Variants in SLC35F4 observed in about 807,000 individuals in gnomAD.
SLC35F4 encodes chromosome 14 open reading frame 36.
A neutral mutation model predicts 44.2 loss-of-function variants in SLC35F4; 24 were observed. That is an observed-to-expected ratio of 0.54 (90% CI 0.39 to 0.76). The LOEUF (loss-of-function observed/expected upper bound fraction) is 0.76, where lower values mean the gene tolerates loss of function less well. SLC35F4 is among the 30% of genes least tolerant of loss of function. The pLI is 0.00. For synonymous variants in SLC35F4, 238 were observed against 223.6 expected, an observed-to-expected ratio of 1.06 and a Z score of -0.57; for missense variants, 562 against 586.1, an observed-to-expected ratio of 0.96 and a Z score of 0.42.
intron 1 of SLC35F4, among the ~76,000 whole-genome samples, chr14:57,893,668 G>T (rs1888817735): frequency 6.6e-6 from 1 of 152,236 alleles, no homozygotes; most frequent in East Asian, 1.9e-4. Context: ...CTGGACCACA[G>T]GACATTAACA....
chr14:57,661,010 T>G (rs2074120066), intron 1 of SLC35F4, among the ~76,000 whole-genome samples: 1 of 152,236 alleles, frequency 6.6e-6, no homozygotes, highest in Non-Finnish European at 1.5e-5. Context: ...CTGTTTGGAT[T>G]GTTCCATTTC....
intron 1 of SLC35F4, among the ~76,000 whole-genome samples, chr14:57,803,582 C>CTTTTTTTT (rs532690276): frequency 1.1e-4 from 9 of 79,442 alleles, no homozygotes; most frequent in Admixed American, 1.6e-4. Context: ...AAAGCTTCTT[C>CTTTTTTTT]TTTTTTTTTT....
At chr14:57,982,624 A>G (rs999097055), upstream of SLC35F4, among the ~76,000 whole-genome samples, 2 of 152,152 alleles carry the variant, frequency 1.3e-5, no homozygotes, top group African/African-American at 2.4e-5. Flanking sequence ...TGGAAAGAAC[A>G]TGGTGCTAGA....
chr14:57,954,787 C>G (rs562077501), intron 1 of SLC35F4, among the ~76,000 whole-genome samples: 6 of 151,622 alleles, frequency 4.0e-5, no homozygotes, highest in Non-Finnish European at 8.8e-5. Context: ...TAATTAATAG[C>G]TTAACAACCA....
intron 1 of SLC35F4, among the ~76,000 whole-genome samples, chr14:57,645,835 G>A (rs140625476): frequency 0.1 from 15,765 of 151,422 alleles, 1,381 homozygotes; most frequent in East Asian, 0.22. Flanking sequence ...AGCATGAAGG[G>A]CAGTTGAATT....
chr14:57,665,777 A>G lies in SLC35F4; in HGVS notation c.104-71653T>C, dbSNP rs111544053. Among the ~76,000 whole-genome samples the G allele has an allele frequency of 2.4e-3, 372 of 152,358 alleles. 3 individuals carry two copies. Among genetic ancestry groups the G allele is most frequent in the Middle Eastern group, 0.014 (4 of 294 alleles). ...GCTAAAGAACATGTGGGACATATAC[A>G]TCATGGAATACTGTGCAGCCATAAA... is the stretch of plus-strand genomic sequence containing the variant. On this transcript the variant is annotated intron_variant, in intron 1 of 7. Transcript: ENST00000556826.
intron 1 of SLC35F4, chr14:57,596,705 G>A: frequency 3.6e-6 from 4 of 1,117,158 alleles, no homozygotes; most frequent in Non-Finnish European, 5.0e-6. Flanking sequence ...TTGGTAACTT[G>A]TGTGTAGCGA....
At chr14:57,701,683 C>T (rs531564014) in intron 1 of SLC35F4, among the ~76,000 whole-genome samples, 1 of 152,062 alleles carries the variant, frequency 6.6e-6, no homozygotes, top group Non-Finnish European at 1.5e-5. Context: ...AATGTCGTTA[C>T]GTGGCACATG....
At chr14:57,623,288 A>T (rs1439129264) in intron 1 of SLC35F4, among the ~76,000 whole-genome samples, 2 of 152,202 alleles carry the variant, frequency 1.3e-5, no homozygotes, top group African/African-American at 2.4e-5. Context: ...TGTGCCCAAT[A>T]CAGAAGCACC....
intron 1 of SLC35F4, among the ~76,000 whole-genome samples, chr14:57,746,088 T>A (rs888934495): frequency 7.5e-6 from 1 of 133,658 alleles, no homozygotes; most frequent in Non-Finnish European, 1.6e-5. Context: ...TGTCATGGAG[T>A]GGGGGGCAGG....
intron 1 of SLC35F4, among the ~76,000 whole-genome samples, chr14:57,950,682 T>C (rs1345094105): frequency 6.7e-6 from 1 of 149,678 alleles, no homozygotes; most frequent in Non-Finnish European, 1.5e-5. Flanking sequence ...TTTCTTTTTT[T>C]TTTTTGAGAC....
intron 1 of SLC35F4, among the ~76,000 whole-genome samples, chr14:57,819,641 TAA>T (rs72330695): frequency 5.7e-5 from 8 of 139,252 alleles, no homozygotes; most frequent in Non-Finnish European, 1.3e-4. Context: ...CCATCTCTAC[TAA>T]AAAAAAAAAA....
At chr14:57,879,596 A>G in intron 1 of SLC35F4, among the ~76,000 whole-genome samples, 1 of 152,072 alleles carries the variant, frequency 6.6e-6, no homozygotes, top group East Asian at 1.9e-4. Flanking sequence ...GAAGAGTCAC[A>G]TTACCCTGAC....
At position 57,943,728 on chromosome 14, in the gene SLC35F4, G is replaced by T. The variant is rs181371191; in HGVS notation, n.282+38185C>A. On this transcript the variant is annotated intron_variant and non_coding_transcript_variant, in intron 1 of 1. Transcript: ENST00000556568. ...CTGAACTTCTTCTGTAATACTATTC[G>T]ATTCAGTTAACCGCCAGTGCTGGTT... 1.2e-4 allele frequency among the ~76,000 whole-genome samples: 19 copies of T among 152,284 alleles called. 1 individual carries two copies. Among genetic ancestry groups the T allele is most frequent in the Middle Eastern group, 6.8e-3 (2 of 294 alleles).
At chr14:57,703,216 C>A (rs1296098024) in intron 1 of SLC35F4, among the ~76,000 whole-genome samples, 1 of 152,136 alleles carries the variant, frequency 6.6e-6, no homozygotes, top group Non-Finnish European at 1.5e-5. Flanking sequence ...TGAGATAGAG[C>A]AAATGCAAGC....
intron 1 of SLC35F4, among the ~76,000 whole-genome samples, chr14:57,720,142 C>A (rs542128216): frequency 2.0e-5 from 3 of 152,080 alleles, no homozygotes; most frequent in Non-Finnish European, 4.4e-5. Flanking sequence ...CAATGATATG[C>A]AAATATCATT....
intron 1 of SLC35F4, among the ~76,000 whole-genome samples, chr14:57,784,750 T>TA (rs1331449813): frequency 6.6e-6 from 1 of 152,122 alleles, no homozygotes; most frequent in African/African-American, 2.4e-5. Context: ...GATGCATTTT[T>TA]ATAAAGTTAC....
upstream of SLC35F4, among the ~76,000 whole-genome samples, chr14:57,868,600 G>A (rs111761114): frequency 0.038 from 5,702 of 151,432 alleles, 157 homozygotes; most frequent in Non-Finnish European, 0.062. Flanking sequence ...CTCAGCCTCC[G>A]GAGTAATTAG....
At position 57,677,112 on chromosome 14, in the gene SLC35F4, C is replaced by T. The variant is rs189939029; in HGVS notation, c.104-82988G>A. Among the ~76,000 whole-genome samples, 10 of 152,044 alleles carry T rather than the reference C, an allele frequency of 6.6e-5. No homozygotes were observed. The East Asian group carries it at 9.7e-4, about 15-fold the overall frequency. ...AGGAGCAAAATATCTTTTGCAGCAA[C>T]GTGGGTGGAGCTGGAGGCCATTATT... On this transcript the variant is annotated intron_variant, in intron 1 of 7. Coordinates refer to ENST00000556826, the MANE Select transcript of SLC35F4 (RefSeq NM_001306087.2).
Sources: gnomAD v4.1 joint callset for allele counts (sites outside exome capture counted in the v4.1 genomes callset) on GRCh38, gnomAD v4.1.1 for gene constraint, MANE v1.5 for transcripts, NCBI Gene and HGNC (gene_info 2026-07-23, HGNC 2026-07-21) for gene names.